The following MICAL2 variants were observed in gnomAD, a reference collection of about 807,000 sequenced individuals.
MICAL2 encodes microtubule associated monooxygenase, calponin and LIM domain containing 2.
Under a neutral mutation model 127.3 loss-of-function variants are expected in MICAL2, and 77 were observed. The observed-to-expected ratio is 0.60, with a 90% CI of 0.50 to 0.73. MICAL2 has a LOEUF of 0.73. MICAL2 is among the 30% of genes least tolerant of loss of function. The probability of loss-of-function intolerance (pLI) is 0.00; values close to 1 mark genes in which losing one functional copy is unlikely to be tolerated. For missense variants in MICAL2, 1,351 were observed against 1,434.4 expected, an observed-to-expected ratio of 0.94 and a Z score of 0.94; for synonymous variants, 570 against 551.1, an observed-to-expected ratio of 1.03 and a Z score of -0.48.
chr11:12,304,693 C>CAA (rs1404954700), intron 29 of MICAL2, among the ~76,000 whole-genome samples: 5 of 138,276 alleles, frequency 3.6e-5, no homozygotes, highest in Non-Finnish European at 6.5e-5. Context: ...CACACACACA[C>CAA]AAAACATTCT....
chr11:12,161,169 T>G (rs1193952757), intron 2 of MICAL2, among the ~76,000 whole-genome samples: 3 of 152,238 alleles, frequency 2.0e-5, no homozygotes, highest in Non-Finnish European at 4.4e-5. Context: ...GCTAGTGCTT[T>G]GGAAAATCAG....
At position 12,146,398 on chromosome 11, in the gene MICAL2, G is replaced by A. The variant is rs184268176; in HGVS notation, c.-78+7938G>A. 7.2e-3 allele frequency among the ~76,000 whole-genome samples: 1,094 copies of A among 152,310 alleles called. 16 individuals are homozygous for A. The highest frequency in any genetic ancestry group is 0.025 in the African/African-American group (1,035 of 41,564). Reference sequence around the variant, plus strand: ...AAGACAACCCCATCAACAAGTGGGCGAAGGATATGAACAGACACTTCTCAA... The same window carrying A: ...AAGACAACCCCATCAACAAGTGGGCAAAGGATATGAACAGACACTTCTCAA... On this transcript the variant is annotated intron_variant, in intron 2 of 27. Coordinates refer to ENST00000683283, the MANE Select transcript of MICAL2 (RefSeq NM_001282663.2).
intron 1 of MICAL2, among the ~76,000 whole-genome samples, chr11:12,280,675 A>G (rs560145787): frequency 3.3e-4 from 50 of 152,326 alleles, no homozygotes; most frequent in African/African-American, 1.2e-3. Flanking sequence ...ACCTCATTTT[A>G]CCTTAATGAC....
intron 32 of MICAL2, among the ~76,000 whole-genome samples, chr11:12,330,805 C>CAGAG (rs1213406245): frequency 2.3e-5 from 1 of 42,926 alleles, no homozygotes; most frequent in African/African-American, 4.6e-5. Flanking sequence ...GAGAGAGAGA[C>CAGAG]AGAGAGAGAG....
chr11:12,329,862 G>GA (rs59395634), intron 32 of MICAL2, among the ~76,000 whole-genome samples: 19,908 of 120,754 alleles, frequency 0.16, 1,344 homozygotes, highest in East Asian at 0.35. Context: ...CCCCAAATAT[G>GA]AAAAAAAAAA....
At chr11:12,195,349 G>T (rs1020399985) in intron 3 of MICAL2, among the ~76,000 whole-genome samples, 1 of 152,192 alleles carries the variant, frequency 6.6e-6, no homozygotes, top group African/African-American at 2.4e-5. Flanking sequence ...GAAATGTATT[G>T]ATTCTGCTAT....
chr11:12,156,909 C>T (rs966892977), intron 2 of MICAL2, among the ~76,000 whole-genome samples: 2 of 152,238 alleles, frequency 1.3e-5, no homozygotes, highest in Non-Finnish European at 2.9e-5. Flanking sequence ...CCCACTTCAT[C>T]GCCAAGGAAC....
In MICAL2 at chr11:12,242,165, A is replaced by G. The variant is rs761068071; in HGVS notation, c.2338-49A>G. ...GGGGGATCCCTCATGGTGAGGGTGT[A>G]TGAAAGGGCCGCAGTAGGGAAGGAA... On this transcript the variant is annotated intron_variant, in intron 18 of 27. Coordinates refer to ENST00000683283, the MANE Select transcript of MICAL2 (RefSeq NM_001282663.2). 2.7e-6 allele frequency: 4 copies of G among 1,481,732 alleles called. No individual in the cohort carries two copies. In the South Asian group the frequency reaches 5.1e-5, roughly 19 times the overall value. 91.8% of individuals were successfully genotyped at this position (1,481,732 alleles called of 1,614,324 possible).
intron 13 of MICAL2, among the ~76,000 whole-genome samples, chr11:12,225,078 C>A (rs574184427): frequency 5.2e-4 from 73 of 140,636 alleles, no homozygotes; most frequent in African/African-American, 2.0e-3. Flanking sequence ...ACTACCCTTC[C>A]CCCCCGAGCC....
intron 33 of MICAL2, chr11:12,349,995 G>A (rs1939020607): frequency 6.9e-7 from 1 of 1,439,764 alleles, no homozygotes; most frequent in Non-Finnish European, 9.8e-7. Flanking sequence ...AAAGGGGGGT[G>A]GCTTACCCTC....
At chr11:12,122,802 G>A (rs1284869203) in intron 1 of MICAL2, among the ~76,000 whole-genome samples, 1 of 152,198 alleles carries the variant, frequency 6.6e-6, no homozygotes, top group African/African-American at 2.4e-5. Flanking sequence ...CTGGTGAGAA[G>A]TTCTTCTCAT....
intron 2 of MICAL2, among the ~76,000 whole-genome samples, chr11:12,281,311 A>C (rs1264911247): frequency 6.6e-6 from 1 of 152,178 alleles, no homozygotes; most frequent in Non-Finnish European, 1.5e-5. Context: ...AAGCTTTGGA[A>C]TCCCAGTGGG....
At chr11:12,224,322 C>T (rs1857155468) in intron 12 of MICAL2, 2 of 219,632 alleles carry the variant, frequency 9.1e-6, no homozygotes, top group South Asian at 2.4e-4. Context: ...CTAATGTGCT[C>T]CCACAGCCCC....
chr11:12,118,543 C>T (rs1029876492), intron 1 of MICAL2, among the ~76,000 whole-genome samples: 1 of 152,216 alleles, frequency 6.6e-6, no homozygotes, highest in Non-Finnish European at 1.5e-5. Flanking sequence ...AACCATTTCC[C>T]CTTCCACTCT....
chr11:12,207,792 A>G (rs117382820), intron 4 of MICAL2: 1 of 446,762 alleles, frequency 2.2e-6, no homozygotes, highest in Admixed American at 3.8e-5. Flanking sequence ...AACTTTGTTA[A>G]GCCTCAATTT....
downstream of MICAL2, among the ~76,000 whole-genome samples, chr11:12,289,086 C>T (rs1019174300): frequency 6.6e-6 from 1 of 152,220 alleles, no homozygotes; most frequent in Non-Finnish European, 1.5e-5. Context: ...GCACCCTCCC[C>T]AGCTGATCAT....
chr11:12,333,922 C>T (rs927954632), intron 32 of MICAL2, among the ~76,000 whole-genome samples: 26 of 152,082 alleles, frequency 1.7e-4, no homozygotes, highest in African/African-American at 6.0e-4. Context: ...CCATCAGTAG[C>T]ATTAGAGATC....
At chr11:12,298,374 TA>T (rs1308099777) in intron 29 of MICAL2, among the ~76,000 whole-genome samples, 2 of 152,140 alleles carry the variant, frequency 1.3e-5, no homozygotes, top group East Asian at 3.8e-4. Context: ...CTCTTTGTTA[TA>T]AAAGTTTTTC....
intron 32 of MICAL2, among the ~76,000 whole-genome samples, chr11:12,336,891 C>T (rs1323847515): frequency 2.0e-5 from 3 of 152,006 alleles, no homozygotes; most frequent in African/African-American, 7.2e-5. Flanking sequence ...CAGTGTTCAT[C>T]AAGGATATTG....
Sources: allele counts gnomAD v4.1 joint callset (sites outside exome capture counted in the v4.1 genomes callset), GRCh38; gene constraint gnomAD v4.1.1; transcripts MANE v1.5; gene names NCBI Gene and HGNC (gene_info 2026-07-23, HGNC 2026-07-21).